Variants in RAPGEF2 observed in about 807,000 individuals in gnomAD.
RAPGEF2 encodes Rap guanine nucleotide exchange factor 2, also known as PDZ domain containing guanine nucleotide exchange factor (GEF) 1.
RAPGEF2 carries 54 observed loss-of-function variants against 186.7 expected under a neutral mutation model. That is an observed-to-expected ratio of 0.29 (90% CI 0.23 to 0.36). The LOEUF (loss-of-function observed/expected upper bound fraction) is 0.36. Among genes scored for constraint, RAPGEF2 ranks in the 10% least tolerant of loss-of-function variants. The pLI is 1.00. For synonymous variants in RAPGEF2, 712 were observed against 705.9 expected, an observed-to-expected ratio of 1.01 and a Z score of -0.14; for missense variants, 1,532 against 2,045.0, an observed-to-expected ratio of 0.75 and a Z score of 4.84.
chr4:159,175,091 C>T (rs1400552748), intron 1 of RAPGEF2, among the ~76,000 whole-genome samples: 6 of 151,940 alleles, frequency 3.9e-5, no homozygotes, highest in East Asian at 3.9e-4. Flanking sequence ...TTTAGGAATC[C>T]GAGGCTGAAG....
At chr4:159,239,952 C>T (rs952863345) in intron 5 of RAPGEF2, among the ~76,000 whole-genome samples, 21 of 152,090 alleles carry the variant, frequency 1.4e-4, no homozygotes, top group African/African-American at 4.8e-4. Context: ...ACTTCCTCAT[C>T]AAAGCTAGCG....
chr4:159,183,668 TTC>T (rs1364443521), intron 1 of RAPGEF2, among the ~76,000 whole-genome samples: 5 of 152,216 alleles, frequency 3.3e-5, no homozygotes, highest in African/African-American at 4.8e-5. Flanking sequence ...AATAAGGACC[TTC>T]TATCCAGAAT....
chr4:159,349,916 G>A (rs1487055278), intron 25 of RAPGEF2, among the ~76,000 whole-genome samples: 4 of 152,160 alleles, frequency 2.6e-5, no homozygotes, highest in African/African-American at 9.7e-5. Flanking sequence ...TTCTGGTACT[G>A]TGGCAGATAT....
chr4:159,260,365 A>G (rs1359314175), intron 7 of RAPGEF2, among the ~76,000 whole-genome samples: 4 of 152,020 alleles, frequency 2.6e-5, no homozygotes, highest in African/African-American at 9.7e-5. Flanking sequence ...CTTGGAATGA[A>G]GGAGTTATTA....
intron 1 of RAPGEF2, among the ~76,000 whole-genome samples, chr4:159,139,824 T>G (rs947429079): frequency 1.3e-5 from 2 of 152,190 alleles, no homozygotes; most frequent in Non-Finnish European, 2.9e-5. Flanking sequence ...AATACCTCAA[T>G]GAATGTCTGT....
intron 1 of RAPGEF2, among the ~76,000 whole-genome samples, chr4:159,143,487 T>C (rs930522463): frequency 2.6e-5 from 4 of 152,206 alleles, no homozygotes; most frequent in Admixed American, 6.5e-5. Flanking sequence ...AAGGAGAATA[T>C]ATTTTCTCAC....
intron 9 of RAPGEF2, among the ~76,000 whole-genome samples, chr4:159,315,502 G>A (rs1273377785): frequency 6.6e-5 from 10 of 152,096 alleles, no homozygotes; most frequent in Non-Finnish European, 1.3e-4. Flanking sequence ...AAAGACACAA[G>A]ACAAAGAGAT....
chr4:159,226,468 G>T (rs1752043818), intron 4 of RAPGEF2, among the ~76,000 whole-genome samples: 1 of 151,942 alleles, frequency 6.6e-6, no homozygotes, highest in Non-Finnish European at 1.5e-5. Flanking sequence ...TTCTGTCCTT[G>T]CCTTTTTATA....
At chr4:159,301,249 A>G (rs1011522619) in intron 7 of RAPGEF2, among the ~76,000 whole-genome samples, 3 of 152,082 alleles carry the variant, frequency 2.0e-5, no homozygotes, top group African/African-American at 7.2e-5. Flanking sequence ...GGCGCCTGTA[A>G]TCCCAGCTCT....
At chr4:159,128,954 ATAT>A (rs1560991608) in intron 1 of RAPGEF2, 1 of 146,634 alleles carries the variant, frequency 6.8e-6, no homozygotes, top group African/African-American at 2.5e-5. Flanking sequence ...GTATATATAT[ATAT>A]ATATAAATCT....
chr4:159,250,854 C>T (rs1370115244), intron 7 of RAPGEF2, among the ~76,000 whole-genome samples: 1 of 152,168 alleles, frequency 6.6e-6, no homozygotes, highest in Non-Finnish European at 1.5e-5. Context: ...CGCCACTGCG[C>T]TATGGGGGCC....
At chr4:159,260,298 A>G (rs918351622) in intron 7 of RAPGEF2, among the ~76,000 whole-genome samples, 1 of 149,158 alleles carries the variant, frequency 6.7e-6, no homozygotes, top group Non-Finnish European at 1.5e-5. Flanking sequence ...TTTTTTTTTT[A>G]AAGTAAGGGA....
At position 159,104,526 on chromosome 4, in the gene RAPGEF2, GGGAGAGAC is replaced by G. The variant is rs1394703202; in HGVS notation, c.69+296_69+303del. ...AGAGAGAGAGAGAGAGAGAGAGAGAGGGAGAGACAGAGAGAGAGAGAGAGAGAGTGTGT... is the reference window on the plus strand; with the variant it reads ...AGAGAGAGAGAGAGAGAGAGAGAGAGAGAGAGAGAGAGAGAGAGAGTGTGT... On this transcript the variant is annotated intron_variant, in intron 1 of 29. Transcript: ENST00000691494. Among the ~76,000 whole-genome samples the G allele has an allele frequency of 3.5e-3, 389 of 111,998 alleles. 5 individuals are homozygous for G. Among genetic ancestry groups the G allele is most frequent in the Admixed American group, 9.2e-3 (100 of 10,886 alleles). The allele number at this position is 111,998 out of a possible 152,430, so 73.5% of individuals were successfully genotyped here.
At position 159,353,195 on chromosome 4, in the gene RAPGEF2, TCCTGAAATAATC is replaced by T. The variant is rs1350881420; in HGVS notation, c.4091+286_4092-280del. ...CCCAGTTGTTTCGTATGAGCTGCCT[TCCTGAAATAATC>T]AAATTATATTGAGCCACCCTTAATG... On this transcript the variant is annotated intron_variant, in intron 27 of 29. Coordinates refer to ENST00000691494, the MANE Select transcript of RAPGEF2 (RefSeq NM_001394067.2). This position sits in a 1 kb window ranked among gnomAD's most constrained non-coding sequence, Gnocchi z 4.3. 2.6e-5 allele frequency among the ~76,000 whole-genome samples: 4 copies of T among 152,086 alleles called. No individual in the cohort carries two copies. The highest frequency in any genetic ancestry group is 9.7e-5 in the African/African-American group (4 of 41,394).
chr4:159,286,784 T>C (rs756224389), intron 7 of RAPGEF2, among the ~76,000 whole-genome samples: 5 of 152,214 alleles, frequency 3.3e-5, no homozygotes, highest in African/African-American at 7.2e-5. Flanking sequence ...TATAGGAGGT[T>C]TTCCTCGGGC....
intron 1 of RAPGEF2, among the ~76,000 whole-genome samples, chr4:159,173,552 G>C (rs1746136678): frequency 1.3e-5 from 2 of 152,102 alleles, no homozygotes; most frequent in South Asian, 4.1e-4. Flanking sequence ...GTTTCTAGGA[G>C]GTTTAACTGG....
intron 2 of RAPGEF2, among the ~76,000 whole-genome samples, chr4:159,189,433 T>TAATG (rs1747889487): frequency 6.6e-6 from 1 of 152,142 alleles, no homozygotes; most frequent in Non-Finnish European, 1.5e-5. Context: ...ATCCGTTTAG[T>TAATG]TTATATAGGC....
chr4:159,248,828 A>G (rs925835036), intron 7 of RAPGEF2, among the ~76,000 whole-genome samples: 4 of 152,220 alleles, frequency 2.6e-5, no homozygotes, highest in African/African-American at 9.6e-5. Context: ...GCAGTTAAGA[A>G]TGGTATGCAG....
At chr4:159,323,361 T>C in intron 10 of RAPGEF2, 98 bp from the exon 11 acceptor site, 5 of 1,011,548 alleles carry the variant, frequency 4.9e-6, no homozygotes, top group Non-Finnish European at 7.0e-6. Context: ...ATCTCCAAAA[T>C]GGAAGATCTG....
Sources: allele counts gnomAD v4.1 joint callset (sites outside exome capture counted in the v4.1 genomes callset), GRCh38; gene constraint gnomAD v4.1.1; non-coding constraint Gnocchi (gnomAD v3.1); transcripts MANE v1.5; gene names NCBI Gene and HGNC (gene_info 2026-07-23, HGNC 2026-07-21).